ARHGAP42: variants seen among roughly 807,000 people sequenced by gnomAD.
The protein encoded by ARHGAP42 is rho GTPase-activating protein 42.
A neutral mutation model predicts 125.0 loss-of-function variants in ARHGAP42; 63 were observed. The observed-to-expected ratio is 0.50, with a 90% confidence interval of 0.41 to 0.62. The LOEUF is 0.62. Ranked by LOEUF, ARHGAP42 falls within the 20% of genes least tolerant of loss-of-function variation. ARHGAP42 has a pLI of 0.00. For missense variants in ARHGAP42, 766 were observed against 1,024.2 expected, an observed-to-expected ratio of 0.75 and a Z score of 3.44; for synonymous variants, 339 against 351.0, an observed-to-expected ratio of 0.97 and a Z score of 0.38.
At chr11:100,777,954 G>A (rs971437745) in intron 2 of ARHGAP42, among the ~76,000 whole-genome samples, 1 of 152,094 alleles carries the variant, frequency 6.6e-6, no homozygotes, top group Non-Finnish European at 1.5e-5. Context: ...AAGCCATGGC[G>A]GGAGGAATGC....
At chr11:100,988,362 A>T (rs934910835) in intron 23 of ARHGAP42, among the ~76,000 whole-genome samples, 3 of 152,204 alleles carry the variant, frequency 2.0e-5, no homozygotes, top group Non-Finnish European at 4.4e-5. Context: ...CACTTTAACC[A>T]ACCATGGATC....
chr11:100,931,602 A>G (rs1867583992), intron 6 of ARHGAP42, among the ~76,000 whole-genome samples: 1 of 152,218 alleles, frequency 6.6e-6, no homozygotes, highest in Non-Finnish European at 1.5e-5. Context: ...CCAGTTTGTA[A>G]TGAGACAGTT....
At chr11:100,807,382 G>A (rs1864022766) in intron 3 of ARHGAP42, among the ~76,000 whole-genome samples, 1 of 151,940 alleles carries the variant, frequency 6.6e-6, no homozygotes, top group Admixed American at 6.6e-5. Flanking sequence ...TTTTAGTAGA[G>A]ATAGGCTTTC....
intron 4 of ARHGAP42, among the ~76,000 whole-genome samples, chr11:100,885,949 G>T (rs1377172746): frequency 1.3e-5 from 2 of 152,184 alleles, no homozygotes; most frequent in African/African-American, 2.4e-5. Context: ...ATTGCATTGT[G>T]TCCTAAGCAA....
At chr11:100,804,038 C>T (rs1172939932) in intron 3 of ARHGAP42, among the ~76,000 whole-genome samples, 2 of 152,234 alleles carry the variant, frequency 1.3e-5, no homozygotes, top group Non-Finnish European at 2.9e-5. Flanking sequence ...GTCACCTGGG[C>T]TCGTCACTGT....
At chr11:100,778,564 T>A (rs1402552512) in intron 2 of ARHGAP42, among the ~76,000 whole-genome samples, 2 of 148,838 alleles carry the variant, frequency 1.3e-5, no homozygotes, top group South Asian at 4.2e-4. Context: ...TGTTTTCCTG[T>A]TTTTTTTTTA....
intron 3 of ARHGAP42, among the ~76,000 whole-genome samples, chr11:100,807,197 T>A (rs908760397): frequency 6.9e-6 from 1 of 144,590 alleles, no homozygotes; most frequent in Admixed American, 6.9e-5. Context: ...TACATTTTCT[T>A]TTTTTTTTTT....
chr11:100,899,925 A>G (rs1037563157), intron 4 of ARHGAP42, among the ~76,000 whole-genome samples: 6 of 151,778 alleles, frequency 4.0e-5, no homozygotes, highest in Non-Finnish European at 7.4e-5. Context: ...TAATATTGTT[A>G]TATGTGAATT....
At chr11:100,725,934 C>CAAAAAAAAAAA (rs57899188) in intron 1 of ARHGAP42, among the ~76,000 whole-genome samples, 1 of 99,280 alleles carries the variant, frequency 1.0e-5, no homozygotes, top group Non-Finnish European at 2.0e-5. Flanking sequence ...GACTCCGTCT[C>CAAAAAAAAAAA]AAAAAAAAAA....
chr11:100,908,233 A>T (rs538961609), intron 4 of ARHGAP42, among the ~76,000 whole-genome samples: 1 of 152,308 alleles, frequency 6.6e-6, no homozygotes, highest in African/African-American at 2.4e-5. Context: ...ATTTATGATT[A>T]AGTGTGGTAA....
intron 3 of ARHGAP42, among the ~76,000 whole-genome samples, chr11:100,813,335 CAG>C (rs1193800893): frequency 2.0e-5 from 3 of 152,154 alleles, no homozygotes; most frequent in Non-Finnish European, 4.4e-5. Context: ...TTTTGTCCCT[CAG>C]GGGTCAAAGT....
At chr11:100,744,678 ACT>A (rs1369697812) in intron 1 of ARHGAP42, among the ~76,000 whole-genome samples, 3 of 151,366 alleles carry the variant, frequency 2.0e-5, no homozygotes, top group African/African-American at 7.3e-5. Context: ...AGCAGTGAAG[ACT>A]CTGTATGAGT....
At chr11:100,836,528 A>G (rs1864789823) in intron 3 of ARHGAP42, among the ~76,000 whole-genome samples, 2 of 152,128 alleles carry the variant, frequency 1.3e-5, no homozygotes, top group Admixed American at 6.6e-5. Context: ...AGTTTGAATC[A>G]GTAGGAATCT....
At chr11:100,699,504 ATATTTTTTTTTTTTTTTTTTTT>A (rs1218525450) in intron 1 of ARHGAP42, among the ~76,000 whole-genome samples, 1 of 33,568 alleles carries the variant, frequency 3.0e-5, no homozygotes, top group Non-Finnish European at 5.1e-5. Context: ...ATATATATAT[ATATTTTTTTTTTTTTTTTTTTT>A]TTTTTTTTTT....
chr11:100,924,033 A>G (rs12286931), intron 6 of ARHGAP42, among the ~76,000 whole-genome samples: 13,931 of 152,238 alleles, frequency 0.092, 924 homozygotes, highest in Non-Finnish European at 0.13. Flanking sequence ...ATAAAAAGAC[A>G]TGAAAACACT....
At position 100,741,737 on chromosome 11, in the gene ARHGAP42, T is replaced by C. The variant is rs968415439; in HGVS notation, c.155-28606T>C. Among the ~76,000 whole-genome samples, 29 of 152,208 alleles carry C rather than the reference T, an allele frequency of 1.9e-4. 2 individuals carry two copies. The highest frequency in any genetic ancestry group is 6.8e-4 in the African/African-American group (28 of 41,458). On this transcript the variant is annotated intron_variant, in intron 1 of 23. Coordinates refer to ENST00000298815, the MANE Select transcript of ARHGAP42 (RefSeq NM_152432.4). ...GAGACTTCTGCCCCACAGTGTCCCA[T>C]TGTGAAAGCAGAAATGAATTTTGGT...
chr11:100,985,999 C>G lies in ARHGAP42; in HGVS notation c.2457-1514C>G, dbSNP rs1444776741. The G allele has an allele frequency of 2.4e-5, 11 of 456,060 alleles. No individual in the cohort carries two copies. In the Admixed American group the frequency reaches 2.6e-4, roughly 11 times the overall value. 28.3% of individuals were successfully genotyped at this position (456,060 alleles called of 1,614,324 possible). On this transcript the variant is annotated intron_variant, in intron 22 of 23. Coordinates refer to ENST00000298815, the MANE Select transcript of ARHGAP42 (RefSeq NM_152432.4). ...CCCCAAGGAGGATAGATAAGGTGCC[C>G]TGAATCTTTAAAAAGACTCATCATG...
chr11:100,759,998 G>A, intron 1 of ARHGAP42, among the ~76,000 whole-genome samples: 1 of 152,086 alleles, frequency 6.6e-6, no homozygotes, highest in East Asian at 1.9e-4. Flanking sequence ...GGTAATTTTA[G>A]GATTACTTAA....
intron 1 of ARHGAP42, among the ~76,000 whole-genome samples, chr11:100,725,369 C>T (rs776053347): frequency 1.6e-4 from 25 of 151,854 alleles, no homozygotes; most frequent in Non-Finnish European, 2.8e-4. Flanking sequence ...TGGGGTTTCA[C>T]CATGTTGGTC....
Sources: gnomAD v4.1 joint callset for allele counts (sites outside exome capture counted in the v4.1 genomes callset) on GRCh38, gnomAD v4.1.1 for gene constraint, MANE v1.5 for transcripts, NCBI Gene and HGNC (gene_info 2026-07-23, HGNC 2026-07-21) for gene names.